The following CLCA4 variants were observed in gnomAD, a reference collection of about 807,000 sequenced individuals.
The protein encoded by CLCA4 is calcium-activated chloride channel regulator 4.
Under a neutral mutation model 78.9 loss-of-function variants are expected in CLCA4, and 69 were observed. That is an observed-to-expected ratio of 0.87 (90% CI 0.72 to 1.07). The LOEUF (loss-of-function observed/expected upper bound fraction) is 1.07. Ranked by LOEUF, CLCA4 falls within the 50% of genes least tolerant of loss-of-function variation. The pLI, the probability that CLCA4 is intolerant of heterozygous loss-of-function variation, is 0.00. For missense variants in CLCA4, 1,133 were observed against 1,095.8 expected (o/e 1.03, Z -0.48); for synonymous variants, 362 against 375.8 (o/e 0.96, Z 0.42).
intron 4 of CLCA4, among the ~76,000 whole-genome samples, chr1:86,564,947 A>G (rs1274427958): frequency 1.3e-5 from 2 of 152,096 alleles, no homozygotes; most frequent in Non-Finnish European, 2.9e-5. Context: ...AAATTCTCTT[A>G]TCCAGGTCCC....
At chr1:86,561,047 T>C (rs1232843558) in intron 3 of CLCA4, among the ~76,000 whole-genome samples, 1 of 152,218 alleles carries the variant, frequency 6.6e-6, no homozygotes, top group East Asian at 1.9e-4. Context: ...TACCCCAGAA[T>C]CACCCTCTTC....
intron 6 of CLCA4, 67 bp from the exon 7 acceptor site, chr1:86,567,357 T>A: frequency 7.7e-7 from 1 of 1,300,550 alleles, no homozygotes; most frequent in Non-Finnish European, 1.1e-6. Flanking sequence ...GTCCATTCAT[T>A]TTATGTGATC....
At chr1:86,574,392 TATC>T (rs1650446105) in intron 9 of CLCA4, 145 bp from the exon 10 acceptor site, 1 of 615,096 alleles carries the variant, frequency 1.6e-6, no homozygotes, top group Admixed American at 2.9e-5. Context: ...ATAACTGTCA[TATC>T]ATCACCAGCT....
chr1:86,567,036 G>T (rs1457014983), intron 6 of CLCA4, among the ~76,000 whole-genome samples: 1 of 151,922 alleles, frequency 6.6e-6, no homozygotes, highest in African/African-American at 2.4e-5. Context: ...GCAACAGTCT[G>T]GTTTGATTTA....
chr1:86,565,797 T>C lies in CLCA4; in HGVS notation c.736-5T>C, dbSNP rs1158709705. 2.0e-6 allele frequency: 3 copies of C among 1,489,236 alleles called. No homozygotes were observed. Among genetic ancestry groups the C allele is most frequent in the Non-Finnish European group, 2.7e-6 (3 of 1,109,832 alleles). 92.3% of individuals were successfully genotyped at this position (1,489,236 alleles called of 1,614,324 possible). ...AAATTATTTTTTATTTTATTAACCT[T>C]TTAGGTTGTTGAATTTTGTAACGAA... On this transcript the variant is annotated splice_polypyrimidine_tract_variant and splice_region_variant and intron_variant, in intron 5 of 13. Coordinates refer to ENST00000370563, the MANE Select transcript of CLCA4 (RefSeq NM_012128.4).
At position 86,580,223 on chromosome 1, in the gene CLCA4, A is replaced by G; in HGVS notation, c.2638A>G (p.Thr880Ala). The G allele has an allele frequency of 6.4e-7, 1 of 1,567,132 alleles. No individual in the cohort carries two copies. Among genetic ancestry groups the G allele is most frequent in the Non-Finnish European group, 8.5e-7 (1 of 1,169,984 alleles). ...TCCTGATGACATTGATCCTACACCT[A>G]CTCCTACTCCTACTCCTACTCCTGA... is the stretch of plus-strand genomic sequence containing the variant. ...ANPDDIDPTP[T>A]PTPTPTPDKS... Residue 880 changes from threonine (T) to alanine (A), a missense_variant, in exon 14 of 14, where the codon ACT (threonine) becomes GCT (alanine). Physicochemically the swap from Thr to Ala is moderately conservative, Grantham distance 58. Coordinates refer to ENST00000370563, the MANE Select transcript of CLCA4 (RefSeq NM_012128.4).
intron 1 of CLCA4, among the ~76,000 whole-genome samples, chr1:86,549,296 G>T (rs994507620): frequency 1.3e-5 from 2 of 152,184 alleles, no homozygotes; most frequent in Non-Finnish European, 2.9e-5. Context: ...ATGGAGGTGA[G>T]AATTCGTTTG....
In CLCA4 at chr1:86,580,228, T is replaced by C; in HGVS notation, c.2643T>C (p.Pro881=). The change falls in exon 14 of 14, where the codon CCT becomes CCC. Residue 881 remains proline (P), a synonymous_variant. Transcript: ENST00000370563. The part of the protein sequence containing the change: ...NPDDIDPTPT[P]TPTPTPDKSH... ...ATGACATTGATCCTACACCTACTCCTACTCCTACTCCTACTCCTGATAAAA... is the reference window on the plus strand; with the variant it reads ...ATGACATTGATCCTACACCTACTCCCACTCCTACTCCTACTCCTGATAAAA... The C allele has an allele frequency of 6.2e-7, 1 of 1,611,228 alleles. No individual in the cohort carries two copies. The highest frequency in any genetic ancestry group is 8.5e-7 in the Non-Finnish European group (1 of 1,178,222).
intron 6 of CLCA4, 136 bp downstream of exon 6, chr1:86,566,156 A>C (rs1650184833): frequency 1.7e-6 from 1 of 583,776 alleles, no homozygotes; most frequent in Non-Finnish European, 2.8e-6. Context: ...TCATGACTTC[A>C]AGATACTGCA....
intron 1 of CLCA4, among the ~76,000 whole-genome samples, chr1:86,555,548 T>C (rs1649813457): frequency 6.6e-6 from 1 of 152,144 alleles, no homozygotes; most frequent in South Asian, 2.1e-4. Context: ...TGTTGTGTTC[T>C]GTTGGTCTAG....
intron 1 of CLCA4, among the ~76,000 whole-genome samples, chr1:86,548,536 G>T (rs906641197): frequency 3.3e-5 from 5 of 151,840 alleles, no homozygotes; most frequent in Non-Finnish European, 7.4e-5. Context: ...CAAAAAATTA[G>T]CTGGGCATGG....
At chr1:86,553,598 A>T (rs569149050) in intron 1 of CLCA4, among the ~76,000 whole-genome samples, 1 of 151,880 alleles carries the variant, frequency 6.6e-6, no homozygotes, top group Non-Finnish European at 1.5e-5. Context: ...AAAACAATCA[A>T]CTCTGCTTAG....
chr1:86,579,615 A>C, intron 13 of CLCA4, 28 bp downstream of exon 13: 1 of 1,581,186 alleles, frequency 6.3e-7, no homozygotes, highest in Non-Finnish European at 8.7e-7. Context: ...TGTGATTTTG[A>C]CTTAAGTAAA....
chr1:86,565,898 A>G lies in CLCA4; in HGVS notation c.832A>G (p.Asn278Asp). Reference protein sequence around the residue: ...NFRSTWEVISNSEDFKNTIPM... With the variant: ...NFRSTWEVISDSEDFKNTIPM... ...TAGAAGTACATGGGAGGTGATTAGCAATTCTGAGGATTTTAAAAACACCAT... is the reference window on the plus strand; with the variant it reads ...TAGAAGTACATGGGAGGTGATTAGCGATTCTGAGGATTTTAAAAACACCAT... Residue 278 changes from asparagine to aspartate, a missense_variant, in exon 6 of 14, where the codon AAT (asparagine) becomes GAT (aspartate). Transcript: ENST00000370563. 1.2e-6 allele frequency: 2 copies of G among 1,612,506 alleles called. No homozygotes were observed. The highest frequency in any genetic ancestry group is 1.7e-6 in the Non-Finnish European group (2 of 1,178,732).
intron 5 of CLCA4, 77 bp downstream of exon 5, chr1:86,565,528 T>G (rs1018553079): frequency 5.2e-5 from 60 of 1,160,662 alleles, no homozygotes; most frequent in Non-Finnish European, 7.2e-5. Context: ...TCTGTTCAGG[T>G]GACCTGAGGA....
chr1:86,560,733 A>C (rs1649992817), intron 3 of CLCA4, among the ~76,000 whole-genome samples: 1 of 152,232 alleles, frequency 6.6e-6, no homozygotes, highest in Non-Finnish European at 1.5e-5. Context: ...ATCACCAGTA[A>C]GCTACAAGAA....
chr1:86,553,009 G>GCGT, intron 1 of CLCA4: 1 of 622,896 alleles, frequency 1.6e-6, no homozygotes, highest in Non-Finnish European at 2.9e-6. Flanking sequence ...CAAGCCAGAG[G>GCGT]CAGGACGTGC....
At position 86,580,022 on chromosome 1, in the gene CLCA4, A is replaced by G. The variant is rs1246103206; in HGVS notation, c.2437A>G (p.Thr813Ala). ...TGATGATGCTCTTCAAGTAAATACT[A>G]CTGATCTGTCACCAAAGGAGGCCAA... ...SFDDALQVNT[T>A]DLSPKEANSK... Residue 813 changes from threonine (T) to alanine (A), a missense_variant, in exon 14 of 14, where the codon ACT becomes GCT. Physicochemically the swap from Thr to Ala is moderately conservative, Grantham distance 58. Transcript: ENST00000370563. The G allele has an allele frequency of 6.2e-7, 1 of 1,610,354 alleles. No individual in the cohort carries two copies. The highest frequency in any genetic ancestry group is 8.5e-7 in the Non-Finnish European group (1 of 1,177,210).
At chr1:86,547,375 T>G in intron 1 of CLCA4, 97 bp downstream of exon 1, 2 of 932,128 alleles carry the variant, frequency 2.1e-6, no homozygotes, top group Non-Finnish European at 3.1e-6. Flanking sequence ...TACAAAGTAG[T>G]ATTTCTATAC....
Sources: gnomAD v4.1 joint callset for allele counts (sites outside exome capture counted in the v4.1 genomes callset) on GRCh38, gnomAD v4.1.1 for gene constraint, MANE v1.5 for transcripts, NCBI Gene and HGNC (gene_info 2026-07-23, HGNC 2026-07-21) for gene names.